The following APPBP2 variants were observed in gnomAD, a reference collection of about 807,000 sequenced individuals.
The protein encoded by APPBP2 is amyloid beta precursor protein binding protein 2.
Under a neutral mutation model 76.0 loss-of-function variants are expected in APPBP2, and 15 were observed. The ratio of observed to expected loss-of-function variants is 0.20; its 90% CI spans 0.13 to 0.30. The LOEUF (loss-of-function observed/expected upper bound fraction) is 0.30, where lower values mean the gene tolerates loss of function less well. Ranked by LOEUF, APPBP2 falls within the 10% of genes least tolerant of loss-of-function variation. The pLI is 1.00. For synonymous variants in APPBP2, 222 were observed against 242.2 expected, an observed-to-expected ratio of 0.92 and a Z score of 0.77; for missense variants, 401 against 687.2, an observed-to-expected ratio of 0.58 and a Z score of 4.66.
At chr17:60,481,968 C>T (rs1462991204) in intron 3 of APPBP2, among the ~76,000 whole-genome samples, 1 of 152,110 alleles carries the variant, frequency 6.6e-6, no homozygotes, top group Non-Finnish European at 1.5e-5. Flanking sequence ...CCGCAACCTC[C>T]GCCTCCTGGG....
At chr17:60,513,624 G>C in intron 1 of APPBP2, 1 of 259,326 alleles carries the variant, frequency 3.9e-6, no homozygotes, top group Non-Finnish European at 7.4e-6. Flanking sequence ...CACTTTGAGA[G>C]GCCAAAGCGG....
chr17:60,499,891 T>C (rs2090808159), intron 2 of APPBP2, among the ~76,000 whole-genome samples: 1 of 152,164 alleles, frequency 6.6e-6, no homozygotes. Flanking sequence ...CAATGGTGGC[T>C]ACACAGGATA....
In APPBP2 at chr17:60,500,378, A is replaced by C. The variant is rs376080179; in HGVS notation, c.227+21T>G. On this transcript the variant is annotated intron_variant, in intron 2 of 12. Coordinates refer to ENST00000083182, the MANE Select transcript of APPBP2 (RefSeq NM_006380.5). ...AATTTTATGTTATGTATATTTTACA[A>C]TTTTTTAAAAAAGAATTTACCTTTT... is the stretch of plus-strand genomic sequence containing the variant. The C allele has an allele frequency of 3.0e-5, 45 of 1,518,144 alleles. No individual in the cohort carries two copies. The African/African-American group carries it at 6.3e-4, about 21-fold the overall frequency. The allele number at this position is 1,518,144 out of a possible 1,614,324, so 94.0% of individuals were successfully genotyped here. A position where few individuals can be genotyped will look rare whatever the true frequency, so the allele number is the denominator to read the frequency against.
chr17:60,462,133 A>G (rs988666137), intron 6 of APPBP2, 72 bp from the exon 7 acceptor site: 7 of 1,174,872 alleles, frequency 6.0e-6, no homozygotes, highest in African/African-American at 1.5e-5. Flanking sequence ...TAGTTTATAT[A>G]TTCTGGCTAT....
Position 60,485,403 on chromosome 17 carries a change from A to T in APPBP2, c.380-6132T>A, listed in dbSNP as rs138308731. On this transcript the variant is annotated intron_variant, in intron 3 of 12. Transcript: ENST00000083182. The stretch of plus-strand genomic sequence containing the variant: ...GAGCCTGTTATTGGTCTATTCAGAG[A>T]TTCAACTTCTTTCTGGTTTAGTCTT... Among the ~76,000 whole-genome samples the T allele has an allele frequency of 6.6e-3, 1,000 of 151,958 alleles. 5 individuals are homozygous for T. Among genetic ancestry groups the T allele is most frequent in the Middle Eastern group, 0.01 (3 of 294 alleles).
At chr17:60,477,648 T>A (rs2090600301) in intron 4 of APPBP2, 1 of 152,084 alleles carries the variant, frequency 6.6e-6, no homozygotes. Flanking sequence ...ACTTCCAAAG[T>A]ATATGTGGGA....
At chr17:60,519,895 T>C (rs1183022073) in intron 1 of APPBP2, among the ~76,000 whole-genome samples, 1 of 150,558 alleles carries the variant, frequency 6.6e-6, no homozygotes, top group African/African-American at 2.5e-5. Flanking sequence ...GCAATCCTCC[T>C]GCCTCAGCCT....
At chr17:60,463,409 G>A (rs749077242) in intron 6 of APPBP2, among the ~76,000 whole-genome samples, 5 of 152,186 alleles carry the variant, frequency 3.3e-5, no homozygotes, top group Non-Finnish European at 7.3e-5. Flanking sequence ...TGGAGGCTCA[G>A]GTGGGAGGAT....
At chr17:60,523,424 G>A (rs1024285802) in intron 1 of APPBP2, among the ~76,000 whole-genome samples, 6 of 152,126 alleles carry the variant, frequency 3.9e-5, no homozygotes, top group African/African-American at 1.2e-4. Flanking sequence ...TTAAGCCCAG[G>A]GGTTCAAGGT....
chr17:60,506,865 G>A (rs190201819), intron 1 of APPBP2, among the ~76,000 whole-genome samples: 2 of 152,236 alleles, frequency 1.3e-5, no homozygotes, highest in Non-Finnish European at 2.9e-5. Flanking sequence ...GTGAAACCCC[G>A]TTTCTACTAA....
chr17:60,513,997 T>TA (rs35785295), intron 1 of APPBP2, among the ~76,000 whole-genome samples: 4,093 of 108,506 alleles, frequency 0.038, 92 homozygotes, highest in East Asian at 0.075. Flanking sequence ...TTCCCCACAT[T>TA]AAAAAAAAAA....
Position 60,523,929 on chromosome 17 carries a change from C to G in APPBP2, c.138+1865G>C, listed in dbSNP as rs192995941. ...CAATAAAGCAAGGTTATACTGTACT[C>G]TACTTCACAGTTTAATTCTGAAGAT... On this transcript the variant is annotated intron_variant, in intron 1 of 12. Transcript: ENST00000083182. Among the ~76,000 whole-genome samples the G allele has an allele frequency of 2.0e-5, 3 of 152,280 alleles. No homozygotes were observed. In the East Asian group the frequency reaches 5.8e-4, roughly 29 times the overall value.
chr17:60,525,519 C>T (rs1567946492), intron 1 of APPBP2, among the ~76,000 whole-genome samples: 1 of 152,134 alleles, frequency 6.6e-6, no homozygotes, highest in African/African-American at 2.4e-5. Context: ...AGTAAGTCCA[C>T]GCAAAAGGCC....
At chr17:60,458,110 T>C (rs1417896445) in intron 9 of APPBP2, among the ~76,000 whole-genome samples, 2 of 152,186 alleles carry the variant, frequency 1.3e-5, no homozygotes, top group Admixed American at 6.6e-5. Context: ...GGTTCATCCA[T>C]GCTGTAGCAT....
chr17:60,477,937 G>A (rs572399896), intron 4 of APPBP2, among the ~76,000 whole-genome samples: 20 of 151,758 alleles, frequency 1.3e-4, no homozygotes, highest in African/African-American at 4.8e-4. Context: ...CCCAGGAGTT[G>A]GAGACCAGAC....
intron 3 of APPBP2, among the ~76,000 whole-genome samples, chr17:60,488,931 A>G (rs918378867): frequency 3.9e-5 from 6 of 152,200 alleles, no homozygotes; most frequent in African/African-American, 1.4e-4. Flanking sequence ...CTATTTAAAA[A>G]ATAAATGCTG....
chr17:60,445,171 T>C lies in APPBP2; in HGVS notation c.*2410A>G, dbSNP rs2090335776. On this transcript the variant is annotated 3_prime_UTR_variant, in exon 13 of 13. Transcript: ENST00000083182. ...ATGGCAATGTTTTCTTAAGCTAGAG[T>C]GTATGCATTAAAGTATATGGATTTA... is the stretch of plus-strand genomic sequence containing the variant. 1 of 152,388 alleles carries C rather than the reference T, an allele frequency of 6.6e-6. No homozygotes were observed. The highest frequency in any genetic ancestry group is 2.4e-5 in the African/African-American group (1 of 41,418). The allele number at this position is 152,388 out of a possible 1,614,324, so 9.4% of individuals were successfully genotyped here. A position where few individuals can be genotyped will look rare whatever the true frequency, so the allele number is the denominator to read the frequency against.
intron 2 of APPBP2, among the ~76,000 whole-genome samples, chr17:60,500,196 G>A (rs2090811441): frequency 6.6e-6 from 1 of 151,958 alleles, no homozygotes; most frequent in African/African-American, 2.4e-5. Context: ...ATTTTTAGTA[G>A]AGACAGGGTT....
chr17:60,508,984 G>C (rs2143476588), intron 1 of APPBP2, among the ~76,000 whole-genome samples: 1 of 152,272 alleles, frequency 6.6e-6, no homozygotes, highest in Middle Eastern at 3.4e-3. Context: ...AAAACAGAAG[G>C]AAAGGTAAAC....
Sources: allele counts gnomAD v4.1 joint callset (sites outside exome capture counted in the v4.1 genomes callset), GRCh38; gene constraint gnomAD v4.1.1; transcripts MANE v1.5; gene names NCBI Gene and HGNC (gene_info 2026-07-23, HGNC 2026-07-21).